The following MMS22L variants were observed in gnomAD, a reference collection of about 807,000 sequenced individuals.
MMS22L encodes MMS22 like, DNA repair protein.
Under a neutral mutation model 159.1 loss-of-function variants are expected in MMS22L, and 74 were observed. The ratio of observed to expected loss-of-function variants is 0.47; its 90% CI spans 0.39 to 0.56. The LOEUF is 0.56. MMS22L is among the 20% of genes least tolerant of loss of function. The pLI, the probability that MMS22L is intolerant of heterozygous loss-of-function variation, is 0.00. For missense variants in MMS22L, 1,351 were observed against 1,422.1 expected (o/e 0.95, Z 0.80); for synonymous variants, 517 against 506.9 (o/e 1.02, Z -0.27).
Position 97,179,437 on chromosome 6 carries a change from A to T in MMS22L, c.2507T>A (p.Leu836His). ...IKNLSGPDDL[L>H]IDKNLEEAVE... ...TGCCTCTTCCAGATTTTTATCTATG[A>T]GCAAATCATCAGGCCCAGAGAGGTT... Residue 836 changes from leucine (L) to histidine (H), a missense_variant, in exon 17 of 25, where the codon CTC (leucine) becomes CAC (histidine). Transcript: ENST00000683635. 1 of 1,612,854 alleles carries T rather than the reference A, an allele frequency of 6.2e-7. No homozygotes were observed.
chr6:97,221,473 C>T (rs956443031), intron 14 of MMS22L, among the ~76,000 whole-genome samples: 4 of 151,862 alleles, frequency 2.6e-5, no homozygotes, highest in African/African-American at 7.3e-5. Context: ...AATAGAAATA[C>T]ATTATGCCAA....
rs1562491376 is a variant in MMS22L at position 97,236,722 on chromosome 6, A to AG, written c.1183-2743dup. On this transcript the variant is annotated intron_variant, in intron 11 of 24. Transcript: ENST00000683635. ...ATCCCAGCACTTTGGGAGGCCAAGGAGGGCAGATCACCAGGTCAGGAGATC... is the reference window on the plus strand; with the variant it reads ...ATCCCAGCACTTTGGGAGGCCAAGGAGGGGCAGATCACCAGGTCAGGAGATC... Among the ~76,000 whole-genome samples the AG allele has an allele frequency of 3.9e-5, 6 of 152,140 alleles. No individual in the cohort carries two copies. In the South Asian group the frequency reaches 1.2e-3, roughly 32 times the overall value.
intron 13 of MMS22L, among the ~76,000 whole-genome samples, chr6:97,230,033 A>G (rs376886681): frequency 5.0e-4 from 76 of 152,300 alleles, no homozygotes; most frequent in African/African-American, 1.7e-3. Flanking sequence ...TTCATCAATT[A>G]AGGGGTTAGA....
intron 11 of MMS22L, among the ~76,000 whole-genome samples, chr6:97,234,878 T>G (rs913288106): frequency 6.6e-6 from 1 of 152,306 alleles, no homozygotes; most frequent in African/African-American, 2.4e-5. Context: ...AGAAAAACAT[T>G]CAAGGCAGAG....
At chr6:97,179,330 T>C in intron 17 of MMS22L, 78 bp downstream of exon 17, 1 of 1,232,518 alleles carries the variant, frequency 8.1e-7, no homozygotes, top group Non-Finnish European at 1.1e-6. Context: ...TTCTATTAAT[T>C]ACATAACAAA....
intron 12 of MMS22L, 92 bp downstream of exon 12, chr6:97,233,769 C>T: frequency 2.9e-6 from 4 of 1,365,470 alleles, no homozygotes; most frequent in African/African-American, 3.0e-5. Flanking sequence ...AAGAAAAATC[C>T]ATAACTATTC....
At chr6:97,246,005 T>C (rs1313825863) in intron 11 of MMS22L, 1 of 239,016 alleles carries the variant, frequency 4.2e-6, no homozygotes, top group Non-Finnish European at 8.5e-6. Flanking sequence ...ATTATAATTC[T>C]CCATAAACTC....
At chr6:97,190,301 G>A (rs1192397690) in intron 14 of MMS22L, among the ~76,000 whole-genome samples, 1 of 152,130 alleles carries the variant, frequency 6.6e-6, no homozygotes, top group African/African-American at 2.4e-5. Context: ...TATGTAAGTA[G>A]ATTTTTTGCA....
chr6:97,251,373 T>A (rs1403155533), intron 10 of MMS22L, among the ~76,000 whole-genome samples: 1 of 152,184 alleles, frequency 6.6e-6, no homozygotes, highest in African/African-American at 2.4e-5. Context: ...ACTGAGATAA[T>A]ACACAGTCAC....
chr6:97,281,597 C>A (rs550137161), intron 2 of MMS22L, among the ~76,000 whole-genome samples: 46 of 152,244 alleles, frequency 3.0e-4, no homozygotes, highest in Admixed American at 6.5e-4. Context: ...GAAAAATCAA[C>A]AAGAATTCTA....
intron 14 of MMS22L, among the ~76,000 whole-genome samples, chr6:97,214,346 C>T (rs1483508345): frequency 6.6e-6 from 1 of 152,122 alleles, no homozygotes; most frequent in African/African-American, 2.4e-5. Context: ...GGTATATCTA[C>T]ACAATGAACA....
At chr6:97,186,763 G>T in intron 14 of MMS22L, 73 bp from the exon 15 acceptor site, 4 of 1,143,118 alleles carry the variant, frequency 3.5e-6, no homozygotes, top group South Asian at 4.5e-5. Context: ...TACATTTTGA[G>T]CTTTTTCCAT....
At chr6:97,208,430 C>G (rs933721280) in intron 14 of MMS22L, among the ~76,000 whole-genome samples, 1 of 151,932 alleles carries the variant, frequency 6.6e-6, no homozygotes, top group African/African-American at 2.4e-5. Context: ...AAGACAAATT[C>G]CCGGCCCTCA....
At chr6:97,210,784 CA>C (rs1359056517) in intron 14 of MMS22L, among the ~76,000 whole-genome samples, 2 of 151,962 alleles carry the variant, frequency 1.3e-5, no homozygotes, top group African/African-American at 4.8e-5. Context: ...CACGTTCTCA[CA>C]AAACTTCTAC....
Position 97,192,167 on chromosome 6 carries a change from CGGATGGATGGATGGATGGATGGATGGAT to C in MMS22L, c.2040-5505_2040-5478del, listed in dbSNP as rs111699319. 2.7e-5 allele frequency among the ~76,000 whole-genome samples: 4 copies of C among 148,490 alleles called. No homozygotes were observed. In the East Asian group the frequency reaches 8.2e-4, roughly 30 times the overall value. On this transcript the variant is annotated intron_variant, in intron 14 of 24. Transcript: ENST00000683635. Reference sequence around the variant, plus strand: ...GAGGAGGGGGTAAGTAGGTGGTAGACGGATGGATGGATGGATGGATGGATGGATGGATGGATGGATGGATGAATGAATG... The same window carrying C: ...GAGGAGGGGGTAAGTAGGTGGTAGACGGATGGATGGATGGATGAATGAATG...
intron 14 of MMS22L, among the ~76,000 whole-genome samples, chr6:97,188,904 G>C (rs1805542999): frequency 1.3e-5 from 2 of 152,060 alleles, no homozygotes; most frequent in South Asian, 4.1e-4. Flanking sequence ...GGAGGTTGCA[G>C]TGAGCCGAGA....
chr6:97,179,167 G>A (rs1804428948), intron 17 of MMS22L, among the ~76,000 whole-genome samples: 1 of 151,912 alleles, frequency 6.6e-6, no homozygotes, highest in Non-Finnish European at 1.5e-5. Context: ...GGCTTCCAAG[G>A]AAACAAGTTC....
At chr6:97,282,254 A>C (rs564587031) in intron 2 of MMS22L, 60 bp downstream of exon 2, 21 of 1,551,300 alleles carry the variant, frequency 1.4e-5, no homozygotes, top group Non-Finnish European at 1.8e-5. Flanking sequence ...GAAATAACTA[A>C]CATTCCTAAA....
intron 2 of MMS22L, among the ~76,000 whole-genome samples, chr6:97,281,587 GA>G (rs1181399723): frequency 6.6e-6 from 1 of 152,116 alleles, no homozygotes; most frequent in Non-Finnish European, 1.5e-5. Context: ...AACTTAAGAG[GA>G]AAAATCAACA....
Sources: allele counts gnomAD v4.1 joint callset (sites outside exome capture counted in the v4.1 genomes callset), GRCh38; gene constraint gnomAD v4.1.1; transcripts MANE v1.5; gene names NCBI Gene and HGNC (gene_info 2026-07-23, HGNC 2026-07-21).